Variants in GRM8 observed in about 807,000 individuals in gnomAD.
GRM8 encodes the protein glutamate metabotropic receptor 8.
In GRM8, 47 loss-of-function variants were observed where a neutral mutation model predicts 87.2. That is an observed-to-expected ratio of 0.54 (90% CI 0.43 to 0.69). The LOEUF is 0.69. GRM8 is among the 30% of genes least tolerant of loss of function. The pLI is 0.00. For synonymous variants in GRM8, 396 were observed against 404.5 expected (o/e 0.98, Z 0.25); for missense variants, 1,019 against 1,139.2 (o/e 0.89, Z 1.52).
chr7:126,585,160 C>T (rs980094222), intron 8 of GRM8, among the ~76,000 whole-genome samples: 3 of 152,048 alleles, frequency 2.0e-5, no homozygotes, highest in Non-Finnish European at 4.4e-5. Context: ...CAGAAAAATA[C>T]ATTCTAACCT....
chr7:126,547,430 ATAAAT>A (rs1188037694), intron 8 of GRM8, among the ~76,000 whole-genome samples: 1 of 152,014 alleles, frequency 6.6e-6, no homozygotes, highest in Non-Finnish European at 1.5e-5. Context: ...GCATAAAAGA[ATAAAT>A]TAACTATAAT....
chr7:126,765,256 A>T (rs1207441338), intron 7 of GRM8, among the ~76,000 whole-genome samples: 1 of 152,146 alleles, frequency 6.6e-6, no homozygotes, highest in Non-Finnish European at 1.5e-5. Context: ...ACAGACAGAA[A>T]GACAGAGATG....
chr7:126,440,214 C>T (rs1453906536), intron 10 of GRM8, among the ~76,000 whole-genome samples: 1 of 151,700 alleles, frequency 6.6e-6, no homozygotes, highest in Non-Finnish European at 1.5e-5. Flanking sequence ...GAGTTTGAGA[C>T]AAGCTTGACC....
intron 7 of GRM8, among the ~76,000 whole-genome samples, chr7:126,682,767 T>C (rs897836422): frequency 1.3e-5 from 2 of 152,202 alleles, no homozygotes; most frequent in African/African-American, 4.8e-5. Context: ...AAAAAGTGTG[T>C]GGGCTGGGCG....
intron 2 of GRM8, among the ~76,000 whole-genome samples, chr7:127,214,810 C>A (rs575585936): frequency 6.6e-6 from 1 of 152,170 alleles, no homozygotes; most frequent in African/African-American, 2.4e-5. Flanking sequence ...GATGTTAAAA[C>A]CTTTTTTTTC....
intron 2 of GRM8, among the ~76,000 whole-genome samples, chr7:127,158,254 G>A (rs946059239): frequency 6.6e-6 from 1 of 152,134 alleles, no homozygotes; most frequent in Non-Finnish European, 1.5e-5. Flanking sequence ...AAGCCTGTCA[G>A]CCTAGAGAGG....
intron 8 of GRM8, among the ~76,000 whole-genome samples, chr7:126,575,424 T>C (rs2150996670): frequency 6.6e-6 from 1 of 152,006 alleles, no homozygotes; most frequent in Non-Finnish European, 1.5e-5. Flanking sequence ...TGTATTATAA[T>C]AATAATAGAA....
chr7:126,858,333 ACTC>A (rs1797860643), intron 6 of GRM8, among the ~76,000 whole-genome samples: 1 of 152,038 alleles, frequency 6.6e-6, no homozygotes, highest in African/African-American at 2.4e-5. Flanking sequence ...TTTTAAATTT[ACTC>A]CTATTTCTCT....
chr7:126,465,938 C>G (rs1443109327), intron 9 of GRM8, among the ~76,000 whole-genome samples: 2 of 151,934 alleles, frequency 1.3e-5, no homozygotes, highest in Non-Finnish European at 2.9e-5. Context: ...TTAAGTGTAT[C>G]TGCTGCATTT....
At chr7:126,583,967 A>T (rs1332515036) in intron 8 of GRM8, among the ~76,000 whole-genome samples, 1 of 152,206 alleles carries the variant, frequency 6.6e-6, no homozygotes, top group Non-Finnish European at 1.5e-5. Context: ...TTCACGAAAG[A>T]GTCCATTTAT....
chr7:126,993,385 T>C (rs1368660492), intron 3 of GRM8, among the ~76,000 whole-genome samples: 2 of 152,188 alleles, frequency 1.3e-5, no homozygotes, highest in African/African-American at 4.8e-5. Context: ...TGCTACGACA[T>C]AGATGAATCT....
At chr7:126,785,802 C>T (rs1820564516) in intron 6 of GRM8, among the ~76,000 whole-genome samples, 1 of 152,058 alleles carries the variant, frequency 6.6e-6, no homozygotes, top group Admixed American at 6.6e-5. Flanking sequence ...AGTGCCGCTG[C>T]ACCCTTCCTG....
At chr7:126,881,065 A>G (rs977355233) in intron 6 of GRM8, among the ~76,000 whole-genome samples, 18 of 152,162 alleles carry the variant, frequency 1.2e-4, no homozygotes, top group African/African-American at 4.3e-4. Context: ...GCTTTCAAAC[A>G]TGCTTTGAAA....
At chr7:127,223,432 C>T (rs1027815777) in intron 2 of GRM8, among the ~76,000 whole-genome samples, 1 of 92,726 alleles carries the variant, frequency 1.1e-5, no homozygotes, top group African/African-American at 6.5e-5. Context: ...AAACACACCA[C>T]ACACACACAC....
At chr7:126,593,793 CA>C (rs1288092809) in intron 8 of GRM8, among the ~76,000 whole-genome samples, 1 of 151,952 alleles carries the variant, frequency 6.6e-6, no homozygotes, top group Admixed American at 6.6e-5. Flanking sequence ...AGGAAACAAT[CA>C]ACAAGAGTGA....
At chr7:127,133,746 A>G (rs1314194489) in intron 2 of GRM8, among the ~76,000 whole-genome samples, 1 of 151,854 alleles carries the variant, frequency 6.6e-6, no homozygotes, top group African/African-American at 2.4e-5. Flanking sequence ...AATACAAACA[A>G]GATAAACTGG....
chr7:126,872,055 C>T (rs766229935), intron 6 of GRM8, among the ~76,000 whole-genome samples: 1 of 152,104 alleles, frequency 6.6e-6, no homozygotes, highest in Non-Finnish European at 1.5e-5. Context: ...ACAGAGTAAA[C>T]TTGTGTATGT....
chr7:127,213,399 A>G (rs933913050), intron 2 of GRM8, among the ~76,000 whole-genome samples: 7 of 152,216 alleles, frequency 4.6e-5, no homozygotes, highest in African/African-American at 1.7e-4. Flanking sequence ...AAATACCTCA[A>G]TAATTTTCAT....
intron 3 of GRM8, among the ~76,000 whole-genome samples, chr7:126,920,826 C>G (rs1250925476): frequency 1.3e-5 from 2 of 151,770 alleles, no homozygotes; most frequent in African/African-American, 4.8e-5. Flanking sequence ...TTATCTCCCC[C>G]CACCCACCCC....
Sources: allele counts gnomAD v4.1 joint callset (sites outside exome capture counted in the v4.1 genomes callset), GRCh38; gene constraint gnomAD v4.1.1; transcripts MANE v1.5; gene names NCBI Gene and HGNC (gene_info 2026-07-23, HGNC 2026-07-21).